DERL2: variants seen among roughly 807,000 people sequenced by gnomAD.
The protein encoded by DERL2 is derlin-2.
A neutral mutation model predicts 32.0 loss-of-function variants in DERL2; 13 were observed. The observed-to-expected ratio is 0.41, with a 90% CI of 0.26 to 0.65. The LOEUF is 0.65. Among genes scored for constraint, DERL2 ranks in the 30% least tolerant of loss-of-function variants. DERL2 has a pLI of 0.35. For synonymous variants in DERL2, 111 were observed against 104.7 expected, an observed-to-expected ratio of 1.06 and a Z score of -0.37; for missense variants, 208 against 296.3, an observed-to-expected ratio of 0.70 and a Z score of 2.19.
intron 5 of DERL2, 66 bp from the exon 6 acceptor site, chr17:5,480,210 A>G: frequency 7.9e-7 from 1 of 1,261,772 alleles, no homozygotes; most frequent in East Asian, 2.3e-5. Flanking sequence ...TAGACCTACC[A>G]ACACAAATTG....
In DERL2 at chr17:5,478,354, A is replaced by G. The variant is rs148749202; in HGVS notation, c.614+1700T>C. Among the ~76,000 whole-genome samples the G allele has an allele frequency of 1.6e-3, 246 of 152,326 alleles. 1 individual carries two copies. Among genetic ancestry groups the G allele is most frequent in the Non-Finnish European group, 2.9e-3 (195 of 68,026 alleles). On this transcript the variant is annotated intron_variant, in intron 6 of 6. Transcript: ENST00000158771. The stretch of plus-strand genomic sequence containing the variant: ...CATACCACTGCACTCCAGCCTGGGC[A>G]ATGGAGTGAGACCTGTACTGCATAT...
At chr17:5,478,462 C>G (rs1905535406) in intron 6 of DERL2, among the ~76,000 whole-genome samples, 1 of 152,148 alleles carries the variant, frequency 6.6e-6, no homozygotes, top group South Asian at 2.1e-4. Context: ...AACTATTCAA[C>G]TAGGAAAGGG....
Position 5,481,751 on chromosome 17 carries a change from G to A in DERL2, c.234-362C>T, listed in dbSNP as rs1208571670. ...TGCAAGCTCCGCCTCTCAGATTCAAGCGATTCTCCTGCCTCATTCTCCTGA... is the reference window on the plus strand; with the variant it reads ...TGCAAGCTCCGCCTCTCAGATTCAAACGATTCTCCTGCCTCATTCTCCTGA... On this transcript the variant is annotated intron_variant, in intron 3 of 6. Coordinates refer to ENST00000158771, the MANE Select transcript of DERL2 (RefSeq NM_016041.5). This position sits in a 1 kb window ranked among gnomAD's most constrained non-coding sequence, Gnocchi z 4.4. Among the ~76,000 whole-genome samples the A allele has an allele frequency of 1.3e-5, 2 of 151,924 alleles. No homozygotes were observed. The highest frequency in any genetic ancestry group is 4.1e-4 in the South Asian group (2 of 4,822).
chr17:5,481,156 CTT>C lies in DERL2; in HGVS notation c.327+138_327+139del, dbSNP rs1905751667. 1 of 730,460 alleles carries C rather than the reference CTT, an allele frequency of 1.4e-6. No homozygotes were observed. Among genetic ancestry groups the C allele is most frequent in the Non-Finnish European group, 2.4e-6 (1 of 422,002 alleles). 45.2% of individuals were successfully genotyped at this position (730,460 alleles called of 1,614,324 possible). A position where few individuals can be genotyped will look rare whatever the true frequency, so the allele number is the denominator to read the frequency against. On this transcript the variant is annotated intron_variant, in intron 4 of 6. Transcript: ENST00000158771. The surrounding 1 kb of genome is among the most constrained non-coding windows in gnomAD (Gnocchi z 4.4). ...CCTGTCCGACTGCTAGGTTTGGAAA[CTT>C]GTCACAGAAAATGTGCTGTAAAATA...
intron 3 of DERL2, 198 bp downstream of exon 3, chr17:5,482,609 GGT>G: frequency 2.2e-6 from 1 of 450,532 alleles, no homozygotes; most frequent in African/African-American, 2.1e-5. Context: ...ATCTTTTTAT[GGT>G]TAAAACCTCC....
At chr17:5,477,396 G>T (rs1363011375) in intron 6 of DERL2, among the ~76,000 whole-genome samples, 1 of 152,154 alleles carries the variant, frequency 6.6e-6, no homozygotes, top group Non-Finnish European at 1.5e-5. Context: ...GAACTTTCTG[G>T]TTGATGGTAA....
Position 5,474,768 on chromosome 17 carries a change from T to C in DERL2, c.636A>G (p.Pro212=), listed in dbSNP as rs374575086. Reference sequence around the variant, plus strand: ...GTGGATTGTAATTTGGATCCTCATCTGGTGTATCAAAAATAGCTTTCCTAA... The same window carrying C: ...GTGGATTGTAATTTGGATCCTCATCCGGTGTATCAAAAATAGCTTTCCTAA... The part of the protein sequence containing the change: ...PSILKAIFDT[P]DEDPNYNPLP... Residue 212 remains proline, a synonymous_variant, in exon 7 of 7, where the codon CCA becomes CCG. Transcript: ENST00000158771. The surrounding 1 kb of genome is among the most constrained non-coding windows in gnomAD (Gnocchi z 4.3). The C allele has an allele frequency of 1.2e-4, 201 of 1,613,582 alleles. No homozygotes were observed. The highest frequency in any genetic ancestry group is 1.6e-4 in the Non-Finnish European group (183 of 1,179,838).
rs1905159409 is a variant in DERL2, at chr17:5,472,319, T to C, written c.*2365A>G. ...GTTTATTTGCATTGTGAAAGGGAAG[T>C]GTGTTCTGGAAGAACTAAGATTGAG... On this transcript the variant is annotated 3_prime_UTR_variant, in exon 7 of 7. Transcript: ENST00000158771. 6.6e-6 allele frequency: 1 copy of C among 152,246 alleles called. No homozygotes were observed. The highest frequency in any genetic ancestry group is 1.5e-5 in the Non-Finnish European group (1 of 68,050). 9.4% of individuals were successfully genotyped at this position (152,246 alleles called of 1,614,324 possible). A position where few individuals can be genotyped will look rare whatever the true frequency, so the allele number is the denominator to read the frequency against.
In DERL2 at chr17:5,481,650, CT is replaced by C. The variant is rs200101521; in HGVS notation, c.234-262del. On this transcript the variant is annotated intron_variant, in intron 3 of 6. Coordinates refer to ENST00000158771, the MANE Select transcript of DERL2 (RefSeq NM_016041.5). This position sits in a 1 kb window ranked among gnomAD's most constrained non-coding sequence, Gnocchi z 4.4. ...ACAGACATGCTTTCAGTCCCCTATT[CT>C]TTTTTTTTTTTCTTTTGAGACAGAG... Among the ~76,000 whole-genome samples, 844 of 145,648 alleles carry C rather than the reference CT, an allele frequency of 5.8e-3. 4 individuals are homozygous for C. Among genetic ancestry groups the C allele is most frequent in the Middle Eastern group, 0.036 (10 of 280 alleles).
chr17:5,480,331 G>A (rs1905691448), intron 5 of DERL2, 56 bp downstream of exon 5: 2 of 1,526,910 alleles, frequency 1.3e-6, no homozygotes, highest in Admixed American at 2.0e-5. Context: ...ATGAAAAATA[G>A]TAACAAAATA....
chr17:5,479,633 G>C (rs1597372717), intron 6 of DERL2, among the ~76,000 whole-genome samples: 1 of 151,644 alleles, frequency 6.6e-6, no homozygotes, highest in African/African-American at 2.4e-5. Context: ...CCAGTCCAAA[G>C]CTATTTCCAC....
chr17:5,475,105 T>C (rs1282256701), intron 6 of DERL2, among the ~76,000 whole-genome samples: 1 of 152,240 alleles, frequency 6.6e-6, no homozygotes, highest in Non-Finnish European at 1.5e-5. Context: ...TGGGAATTTT[T>C]ACATTATGTC....
intron 2 of DERL2, among the ~76,000 whole-genome samples, chr17:5,483,173 G>T (rs1805432): frequency 6.6e-6 from 1 of 151,892 alleles, no homozygotes; most frequent in East Asian, 1.9e-4. Flanking sequence ...GGAAAGACTA[G>T]GTTAATCGGC....
intron 2 of DERL2, among the ~76,000 whole-genome samples, chr17:5,483,996 TGAG>T (rs1259117645): frequency 1.3e-5 from 2 of 152,200 alleles, no homozygotes; most frequent in Non-Finnish European, 2.9e-5. Flanking sequence ...CTCATCCTAG[TGAG>T]GAGACAAGCA....
intron 6 of DERL2, chr17:5,477,799 T>C (rs1036557408): frequency 4.6e-5 from 7 of 152,174 alleles, no homozygotes; most frequent in African/African-American, 1.4e-4. Context: ...TTTTAAAAAA[T>C]ACATAGATCT....
At position 5,473,895 on chromosome 17, in the gene DERL2, T is replaced by C. The variant is rs1905234463; in HGVS notation, c.*789A>G. The stretch of plus-strand genomic sequence containing the variant: ...AATGTGGCCCTTACCAATCTTTCCC[T>C]GGATACTTCTTAATGGAGAAATGTA... On this transcript the variant is annotated 3_prime_UTR_variant, in exon 7 of 7. Transcript: ENST00000158771. 1 of 152,202 alleles carries C rather than the reference T, an allele frequency of 6.6e-6. No individual in the cohort carries two copies. Among genetic ancestry groups the C allele is most frequent in the South Asian group, 2.1e-4 (1 of 4,818 alleles). 9.4% of individuals were successfully genotyped at this position (152,202 alleles called of 1,614,324 possible).
intron 2 of DERL2, among the ~76,000 whole-genome samples, chr17:5,484,754 T>C (rs1597375301): frequency 6.6e-6 from 1 of 152,166 alleles, no homozygotes; most frequent in East Asian, 1.9e-4. Context: ...ATGGACAAAA[T>C]AAGGCCATCC....
intron 6 of DERL2, among the ~76,000 whole-genome samples, chr17:5,479,588 C>G (rs2151704167): frequency 6.7e-6 from 1 of 149,658 alleles, no homozygotes; most frequent in Non-Finnish European, 1.5e-5. Context: ...AGGACTTGCT[C>G]TATGGCTGGT....
In DERL2 at chr17:5,474,613, C is replaced by A; in HGVS notation, c.*71G>T. On this transcript the variant is annotated 3_prime_UTR_variant, in exon 7 of 7. Coordinates refer to ENST00000158771, the MANE Select transcript of DERL2 (RefSeq NM_016041.5). The surrounding 1 kb of genome is among the most constrained non-coding windows in gnomAD (Gnocchi z 4.3). ...GTCAAAAGTGTCCACACTTTTGCAA[C>A]AAAGGATAAAAGATCCCAGTGGGTA... The A allele has an allele frequency of 1.6e-6, 2 of 1,238,708 alleles. No individual in the cohort carries two copies. The highest frequency in any genetic ancestry group is 1.1e-6 in the Non-Finnish European group (1 of 879,230). 76.7% of individuals were successfully genotyped at this position (1,238,708 alleles called of 1,614,324 possible). A position where few individuals can be genotyped will look rare whatever the true frequency, so the allele number is the denominator to read the frequency against.
Sources: allele counts gnomAD v4.1 joint callset (sites outside exome capture counted in the v4.1 genomes callset), GRCh38; gene constraint gnomAD v4.1.1; non-coding constraint Gnocchi (gnomAD v3.1); transcripts MANE v1.5; gene names NCBI Gene and HGNC (gene_info 2026-07-23, HGNC 2026-07-21).